Variants in ATP8B4 observed in about 807,000 individuals in gnomAD.
ATP8B4 encodes ATPase phospholipid transporting 8B4 (putative).
A neutral mutation model predicts 145.6 loss-of-function variants in ATP8B4; 133 were observed. The observed-to-expected ratio is 0.91, with a 90% confidence interval of 0.79 to 1.05. The LOEUF (loss-of-function observed/expected upper bound fraction) is 1.05, where lower values mean the gene tolerates loss of function less well. ATP8B4 is among the 50% of genes least tolerant of loss of function. The probability of loss-of-function intolerance (pLI) is 0.00; values close to 1 mark genes in which losing one functional copy is unlikely to be tolerated. For synonymous variants in ATP8B4, 507 were observed against 492.9 expected (o/e 1.03, Z -0.38); for missense variants, 1,458 against 1,425.2 (o/e 1.02, Z -0.37).
At chr15:50,150,513 G>T (rs1370530784) in intron 1 of ATP8B4, among the ~76,000 whole-genome samples, 1 of 151,748 alleles carries the variant, frequency 6.6e-6, no homozygotes, top group Non-Finnish European at 1.5e-5. Flanking sequence ...TTTGTCCCAG[G>T]TTGCTCATCT....
chr15:50,168,451 C>T (rs780973912), intron 1 of ATP8B4, among the ~76,000 whole-genome samples: 15 of 152,136 alleles, frequency 9.9e-5, no homozygotes, highest in African/African-American at 2.7e-4. Flanking sequence ...AAGAGGTTTC[C>T]GAGGTTACTT....
At chr15:50,139,066 ACCCAGCAATC>A (rs1277106425) in intron 1 of ATP8B4, among the ~76,000 whole-genome samples, 1 of 152,186 alleles carries the variant, frequency 6.6e-6, no homozygotes, top group Non-Finnish European at 1.5e-5. Context: ...ATAACATTTG[ACCCAGCAATC>A]CCATTGCTGG....
chr15:50,138,024 G>C (rs954822859), intron 1 of ATP8B4, among the ~76,000 whole-genome samples: 1 of 152,128 alleles, frequency 6.6e-6, no homozygotes, highest in African/African-American at 2.4e-5. Context: ...TCTTAGTATC[G>C]CTCTAGCCAC....
rs771330036 is a variant in ATP8B4 at position 49,987,479 on chromosome 15, G to T, written c.660C>A (p.Ser220Arg). The T allele has an allele frequency of 1.9e-6, 3 of 1,613,602 alleles. No individual in the cohort carries two copies. In the South Asian group the frequency reaches 3.3e-5, roughly 18 times the overall value. The change falls in exon 10 of 28, where the codon AGC becomes AGA. Residue 220 changes from serine to arginine, a missense_variant. Transcript: ENST00000284509. ...KFMGILSWKD[S>R]KHSLNNEKII... Reference sequence around the variant, plus strand: ...TCTTCTCATTGTTGAGGGAATGCTTGCTGTCTTTCCAAGAAAGGATTCCCA... The same window carrying T: ...TCTTCTCATTGTTGAGGGAATGCTTTCTGTCTTTCCAAGAAAGGATTCCCA...
Position 49,859,918 on chromosome 15 carries a change from G to T in ATP8B4, c.*276C>A, listed in dbSNP as rs1371480856. On this transcript the variant is annotated 3_prime_UTR_variant, in exon 28 of 28. Transcript: ENST00000284509. Reference sequence around the variant, plus strand: ...TAAGATTCTAAAGTTCAGGTCAATTGGTATCTAGGTTGATTTAAAAAAAAA... The same window carrying T: ...TAAGATTCTAAAGTTCAGGTCAATTTGTATCTAGGTTGATTTAAAAAAAAA... The T allele has an allele frequency of 3.5e-5, 13 of 375,358 alleles. No homozygotes were observed. The East Asian group carries it at 4.5e-4, about 13-fold the overall frequency. 23.3% of individuals were successfully genotyped at this position (375,358 alleles called of 1,614,324 possible).
At chr15:49,899,306 C>T (rs1203147751) in intron 21 of ATP8B4, among the ~76,000 whole-genome samples, 1 of 152,166 alleles carries the variant, frequency 6.6e-6, no homozygotes, top group African/African-American at 2.4e-5. Flanking sequence ...GCTCTCAAAG[C>T]ATTGTGTTCA....
intron 12 of ATP8B4, among the ~76,000 whole-genome samples, chr15:49,976,994 G>A (rs896069346): frequency 6.6e-6 from 1 of 152,010 alleles, no homozygotes; most frequent in Non-Finnish European, 1.5e-5. Context: ...AACAATGGCT[G>A]CATTTCTTAA....
intron 20 of ATP8B4, among the ~76,000 whole-genome samples, chr15:49,904,969 G>A (rs117304080): frequency 0.011 from 1,666 of 152,168 alleles, 14 homozygotes; most frequent in Non-Finnish European, 0.019. Flanking sequence ...TTTCCTCTCA[G>A]ATCAATCAAA....
chr15:50,075,099 G>T (rs2054092100), intron 2 of ATP8B4, among the ~76,000 whole-genome samples: 1 of 152,180 alleles, frequency 6.6e-6, no homozygotes, highest in Non-Finnish European at 1.5e-5. Flanking sequence ...GGTGGTAAAA[G>T]GTGGAGGGAT....
rs760720943 is a variant in ATP8B4 at position 49,979,698 on chromosome 15, C to A, written c.953G>T (p.Ser318Ile). Residue 318 changes from serine to isoleucine, a missense_variant, in exon 12 of 28, where the codon AGC (serine) becomes ATC (isoleucine). Ser to Ile is a moderately radical substitution (Grantham distance 142). Coordinates refer to ENST00000284509, the MANE Select transcript of ATP8B4 (RefSeq NM_024837.4). ...TGTTAAGAATCCGGAGAACACAGAG[C>A]TCTTCTCTCCTTCATTCCAAAAGAG... Reference protein sequence around the residue: ...TFLFWNEGEKSSVFSGFLTFW... With the variant: ...TFLFWNEGEKISVFSGFLTFW... 6.2e-7 allele frequency: 1 copy of A among 1,610,044 alleles called. No homozygotes were observed. Among genetic ancestry groups the A allele is most frequent in the Non-Finnish European group, 8.5e-7 (1 of 1,176,846 alleles).
At chr15:49,952,935 C>A (rs1299497795) in intron 14 of ATP8B4, among the ~76,000 whole-genome samples, 1 of 151,896 alleles carries the variant, frequency 6.6e-6, no homozygotes. Context: ...TTGCTTTCTG[C>A]TTGTTTTTCT....
intron 14 of ATP8B4, among the ~76,000 whole-genome samples, chr15:49,946,703 A>C (rs1373418457): frequency 6.6e-6 from 1 of 151,926 alleles, no homozygotes; most frequent in Admixed American, 6.6e-5. Context: ...CTCCTTGCCC[A>C]GGATCTCTAA....
intron 2 of ATP8B4, among the ~76,000 whole-genome samples, chr15:50,077,222 C>G (rs926085525): frequency 3.9e-5 from 6 of 152,282 alleles, no homozygotes; most frequent in Middle Eastern, 3.4e-3. Context: ...ATATAGTAAG[C>G]CAGCATGTTT....
At chr15:50,161,009 C>T (rs116310597) in intron 1 of ATP8B4, among the ~76,000 whole-genome samples, 2,097 of 152,194 alleles carry the variant, frequency 0.014, 51 homozygotes, top group African/African-American at 0.048. Context: ...GTCTATCTCT[C>T]TCTTTAGCTC....
intron 24 of ATP8B4, 69 bp from the exon 25 acceptor site, chr15:49,876,592 T>C: frequency 6.3e-7 from 1 of 1,587,812 alleles, no homozygotes; most frequent in Non-Finnish European, 8.6e-7. Flanking sequence ...ATTCCCTATC[T>C]TCAGAAATAG....
At chr15:49,958,472 A>G (rs2153504064) in intron 14 of ATP8B4, among the ~76,000 whole-genome samples, 1 of 151,878 alleles carries the variant, frequency 6.6e-6, no homozygotes, top group East Asian at 1.9e-4. Context: ...CAACAGCTAT[A>G]CTTTTTCATG....
At chr15:49,943,927 A>G (rs374984935) in intron 14 of ATP8B4, among the ~76,000 whole-genome samples, 1 of 152,368 alleles carries the variant, frequency 6.6e-6, no homozygotes, top group East Asian at 1.9e-4. Flanking sequence ...TTAAAGGTAC[A>G]TAAAATGAAC....
chr15:50,111,604 T>A (rs575898038), intron 1 of ATP8B4, among the ~76,000 whole-genome samples: 1 of 152,140 alleles, frequency 6.6e-6, no homozygotes, highest in Non-Finnish European at 1.5e-5. Context: ...CAGGACATGG[T>A]AGAAGCCTGT....
At chr15:49,947,720 A>C (rs2042700576) in intron 14 of ATP8B4, among the ~76,000 whole-genome samples, 2 of 152,150 alleles carry the variant, frequency 1.3e-5, no homozygotes, top group Non-Finnish European at 2.9e-5. Flanking sequence ...GATTTCAAAC[A>C]TGTTACAAGC....
Sources: allele counts gnomAD v4.1 joint callset (sites outside exome capture counted in the v4.1 genomes callset), GRCh38; gene constraint gnomAD v4.1.1; transcripts MANE v1.5; gene names NCBI Gene and HGNC (gene_info 2026-07-23, HGNC 2026-07-21).